The following ZFP42 variants were observed in gnomAD, a reference collection of about 807,000 sequenced individuals.
ZFP42 encodes ZFP42 zinc finger protein, also known as zinc finger protein 42 homolog.
For missense variants in ZFP42, 438 were observed against 377.1 expected, an observed-to-expected ratio of 1.16 and a Z score of -1.34; for synonymous variants, 175 against 144.6, an observed-to-expected ratio of 1.21 and a Z score of -1.51.
chr4:187,997,051 G>A (rs1315351228), intron 1 of ZFP42, among the ~76,000 whole-genome samples: 1 of 150,696 alleles, frequency 6.6e-6, no homozygotes, highest in Non-Finnish European at 1.5e-5. Context: ...CATGGAGCAT[G>A]GCCTGCAGCC....
At chr4:187,999,974 G>A (rs767834373) in intron 3 of ZFP42, among the ~76,000 whole-genome samples, 4 of 152,206 alleles carry the variant, frequency 2.6e-5, no homozygotes, top group African/African-American at 4.8e-5. Flanking sequence ...GCTATAGATG[G>A]CAGGAGGTGA....
In ZFP42 at chr4:188,003,796, CATTG is replaced by C; in HGVS notation, c.*60_*63del. 2 of 1,492,982 alleles carry C rather than the reference CATTG, an allele frequency of 1.3e-6. No individual in the cohort carries two copies. Among genetic ancestry groups the C allele is most frequent in the Non-Finnish European group, 1.8e-6 (2 of 1,108,648 alleles). 92.5% of individuals were successfully genotyped at this position (1,492,982 alleles called of 1,614,324 possible). A position where few individuals can be genotyped will look rare whatever the true frequency, so the allele number is the denominator to read the frequency against. On this transcript the variant is annotated 3_prime_UTR_variant, in exon 4 of 4. Coordinates refer to ENST00000326866, the MANE Select transcript of ZFP42 (RefSeq NM_174900.5). ...AGAGTGATCAGTGACAAACATGCCT[CATTG>C]ATTATTGTTTCTAGGAAGGAATTTC...
chr4:188,003,360 C>T lies in ZFP42; in HGVS notation c.553C>T (p.Leu185=). The T allele has an allele frequency of 3.7e-6, 6 of 1,614,060 alleles. No individual in the cohort carries two copies. The highest frequency in any genetic ancestry group is 5.1e-6 in the Non-Finnish European group (6 of 1,180,034). ...KPPINKEYDS[L]SAIACPQSGC... ...CCCCATAAATAAAGAATATGACAGT[C>T]TGAGCGCAATCGCTTGTCCTCAGAG... Residue 185 remains leucine, a synonymous_variant, in exon 4 of 4, where the codon CTG becomes TTG. Coordinates refer to ENST00000326866, the MANE Select transcript of ZFP42 (RefSeq NM_174900.5).
At chr4:187,999,724 T>A (rs1733736586) in intron 3 of ZFP42, 39 bp downstream of exon 3, 2 of 152,322 alleles carry the variant, frequency 1.3e-5, no homozygotes, top group Non-Finnish European at 2.9e-5. Context: ...AGAGCTCTGA[T>A]CAGTGTGAAA....
At position 188,002,985 on chromosome 4, in the gene ZFP42, C is replaced by G; in HGVS notation, c.178C>G (p.Pro60Ala). The G allele has an allele frequency of 1.2e-6, 2 of 1,614,106 alleles. No homozygotes were observed. The highest frequency in any genetic ancestry group is 1.7e-6 in the Non-Finnish European group (2 of 1,180,016). ...CDGYVCYEPGPQALGGDDFSD... is the reference protein window; with the variant it reads ...CDGYVCYEPGAQALGGDDFSD... Reference sequence around the variant, plus strand: ...TGGCTATGTGTGCTATGAGCCTGGCCCTCAGGCTCTCGGAGGGGATGATTT... The same window carrying G: ...TGGCTATGTGTGCTATGAGCCTGGCGCTCAGGCTCTCGGAGGGGATGATTT... The change falls in exon 4 of 4, where the codon CCT becomes GCT. Residue 60 changes from proline (P) to alanine (A), a missense_variant. By Grantham distance (27) the Pro-to-Ala change is conservative. Transcript: ENST00000326866.
Position 188,003,095 on chromosome 4 carries a change from A to G in ZFP42, c.288A>G (p.Glu96=), listed in dbSNP as rs947541376. The change falls in exon 4 of 4, where the codon GAA becomes GAG. Residue 96 remains glutamate, a synonymous_variant. Coordinates refer to ENST00000326866, the MANE Select transcript of ZFP42 (RefSeq NM_174900.5). ...AGGACTCACTTTTTGAGTCCTTGGAATACCTAAAGAAAGGATCAGAACAAC... is the reference window on the plus strand; with the variant it reads ...AGGACTCACTTTTTGAGTCCTTGGAGTACCTAAAGAAAGGATCAGAACAAC... ...LEEDSLFESL[E]YLKKGSEQQL... is the part of the protein sequence containing the mutation. The G allele has an allele frequency of 1.2e-6, 2 of 1,614,062 alleles. No individual in the cohort carries two copies. Among genetic ancestry groups the G allele is most frequent in the Non-Finnish European group, 1.7e-6 (2 of 1,180,046 alleles).
chr4:188,001,995 G>A (rs1353954102), intron 3 of ZFP42, among the ~76,000 whole-genome samples: 1 of 152,144 alleles, frequency 6.6e-6, no homozygotes, highest in Middle Eastern at 3.2e-3. Flanking sequence ...TGACCAACAT[G>A]GTGAAACCCC....
rs1245898046 is a variant in ZFP42, at chr4:188,003,543, C to T, written c.736C>T (p.Arg246Trp). 6 of 1,613,688 alleles carry T rather than the reference C, an allele frequency of 3.7e-6. No homozygotes were observed. The highest frequency in any genetic ancestry group is 1.7e-5 in the Admixed American group (1 of 60,018). ...FLVHTGEKPF[R>W]CTFEGCGKRF... ...GGTTCATACTGGAGAGAAGCCGTTT[C>T]GGTGCACTTTTGAAGGGTGCGGAAA... The change falls in exon 4 of 4, where the codon CGG becomes TGG. Residue 246 changes from arginine to tryptophan, a missense_variant. Physicochemically the swap from Arg to Trp is moderately radical, Grantham distance 101. Transcript: ENST00000326866.
In ZFP42 at chr4:188,003,507, A is replaced by G; in HGVS notation, c.700A>G (p.Arg234Gly). The G allele has an allele frequency of 6.2e-7, 1 of 1,613,798 alleles. No individual in the cohort carries two copies. The highest frequency in any genetic ancestry group is 2.2e-5 in the East Asian group (1 of 44,878). Reference sequence around the variant, plus strand: ...GTTCGTTGAGAGCTCAAAACTAAAGAGACATTTCCTGGTTCATACTGGAGA... The same window carrying G: ...GTTCGTTGAGAGCTCAAAACTAAAGGGACATTTCCTGGTTCATACTGGAGA... ...KAFVESSKLK[R>G]HFLVHTGEKP... Residue 234 changes from arginine to glycine, a missense_variant, in exon 4 of 4, where the codon AGA (arginine) becomes GGA (glycine). Transcript: ENST00000326866.
intron 1 of ZFP42, among the ~76,000 whole-genome samples, chr4:187,997,215 C>A (rs113102060): frequency 0.022 from 2,585 of 116,986 alleles, 37 homozygotes; most frequent in Non-Finnish European, 0.032. Context: ...TCGGTTACTT[C>A]CCCTCTCATA....
intron 3 of ZFP42, among the ~76,000 whole-genome samples, chr4:188,001,363 T>G (rs1733814289): frequency 6.6e-6 from 1 of 152,250 alleles, no homozygotes; most frequent in Non-Finnish European, 1.5e-5. Flanking sequence ...ATATTCATGC[T>G]ATAACTTTTA....
chr4:187,999,636 TGAACA>T lies in ZFP42; in HGVS notation c.-136_-132del, dbSNP rs1408841185. The T allele has an allele frequency of 6.6e-6, 1 of 152,266 alleles. No individual in the cohort carries two copies. The highest frequency in any genetic ancestry group is 1.9e-4 in the East Asian group (1 of 5,188). 9.4% of individuals were successfully genotyped at this position (152,266 alleles called of 1,614,324 possible). A position where few individuals can be genotyped will look rare whatever the true frequency, so the allele number is the denominator to read the frequency against. On this transcript the variant is annotated 5_prime_UTR_variant, in exon 3 of 4. Coordinates refer to ENST00000326866, the MANE Select transcript of ZFP42 (RefSeq NM_174900.5). ...AAATGTACTGAGGCTGGAGCCTGTG[TGAACA>T]GAACAGAAGAGGCCTTCACTCTAGT...
intron 1 of ZFP42, among the ~76,000 whole-genome samples, chr4:187,997,405 T>C (rs1481336633): frequency 6.6e-6 from 1 of 151,074 alleles, no homozygotes; most frequent in African/African-American, 2.4e-5. Flanking sequence ...GACTAATTTT[T>C]TTTATTTTTA....
chr4:188,001,336 A>G (rs1358097685), intron 3 of ZFP42, among the ~76,000 whole-genome samples: 2 of 152,216 alleles, frequency 1.3e-5, no homozygotes, highest in Non-Finnish European at 2.9e-5. Context: ...AGAGACTTTT[A>G]TAGTCAAAGC....
At chr4:188,002,637 T>C in intron 3 of ZFP42, 76 bp from the exon 4 acceptor site, 1 of 620,166 alleles carries the variant, frequency 1.6e-6, no homozygotes, top group Admixed American at 2.9e-5. Context: ...TATTGGAAAA[T>C]GTGTCTTAGG....
chr4:188,002,595 CTTGG>C, intron 3 of ZFP42, 114 bp from the exon 4 acceptor site: 1 of 570,358 alleles, frequency 1.8e-6, no homozygotes, highest in Non-Finnish European at 3.1e-6. Flanking sequence ...TTCTTGGTCT[CTTGG>C]TTAGTTTATC....
Position 188,003,132 on chromosome 4 carries a change from AAGGTTTTCGAAGC to A in ZFP42, c.327_339del (p.Val110AlafsTer10). The A allele has an allele frequency of 6.2e-7, 1 of 1,614,112 alleles. No homozygotes were observed. On this transcript the variant is annotated frameshift_variant, in exon 4 of 4. Transcript: ENST00000326866. LOFTEE classifies it low-confidence loss of function (END_TRUNC). ...AGGATCAGAACAACAGCTTTCTCAA[AAGGTTTTCGAAGC>A]AAGCTCCCTTGAATGTTCTTTGGAA... is the stretch of plus-strand genomic sequence containing the variant.
At chr4:187,997,365 C>T (rs1733641914) in intron 1 of ZFP42, among the ~76,000 whole-genome samples, 1 of 150,310 alleles carries the variant, frequency 6.7e-6, no homozygotes, top group Non-Finnish European at 1.5e-5. Context: ...TCCCGAGTAG[C>T]TGGGACTACA....
At chr4:188,000,128 C>T (rs930574936) in intron 3 of ZFP42, among the ~76,000 whole-genome samples, 1 of 152,052 alleles carries the variant, frequency 6.6e-6, no homozygotes, top group African/African-American at 2.4e-5. Flanking sequence ...ATGAGCATCC[C>T]GAGTCCGAAA....
Sources: allele counts gnomAD v4.1 joint callset (sites outside exome capture counted in the v4.1 genomes callset), GRCh38; gene constraint gnomAD v4.1.1; transcripts MANE v1.5; gene names NCBI Gene and HGNC (gene_info 2026-07-23, HGNC 2026-07-21).